The following OR3A2 variants were observed in gnomAD, a reference collection of about 807,000 sequenced individuals.
OR3A2 encodes olfactory receptor 3A2.
For synonymous variants in OR3A2, 126 were observed against 159.3 expected (o/e 0.79, Z 1.57); for missense variants, 318 against 392.8 (o/e 0.81, Z 1.61).
At chr17:3,360,322 T>C (rs1467004041) in intron 2 of OR3A2, among the ~76,000 whole-genome samples, 3 of 151,684 alleles carry the variant, frequency 2.0e-5, no homozygotes, top group Non-Finnish European at 4.4e-5. Flanking sequence ...TATTAGCCCA[T>C]TGTCAGATGA....
At chr17:3,382,898 C>T (rs539198898) in intron 2 of OR3A2, among the ~76,000 whole-genome samples, 17 of 152,260 alleles carry the variant, frequency 1.1e-4, no homozygotes, top group Admixed American at 7.8e-4. Context: ...TCAAGGACAA[C>T]GACTGGCCTT....
At chr17:3,372,904 AGAGGGC>A in intron 2 of OR3A2, among the ~76,000 whole-genome samples, 1 of 133,524 alleles carries the variant, frequency 7.5e-6, no homozygotes, top group Non-Finnish European at 1.6e-5. Flanking sequence ...AGGGAGAGGG[AGAGGGC>A]TCTTTAGGAT....
At chr17:3,368,061 C>T (rs2049579861) in intron 2 of OR3A2, among the ~76,000 whole-genome samples, 2 of 152,090 alleles carry the variant, frequency 1.3e-5, no homozygotes, top group Admixed American at 6.6e-5. Context: ...TATTCATGCC[C>T]TTAACCCACT....
At chr17:3,282,139 G>C (rs986386331) in intron 1 of OR3A2, among the ~76,000 whole-genome samples, 1 of 152,156 alleles carries the variant, frequency 6.6e-6, no homozygotes, top group African/African-American at 2.4e-5. Context: ...TCTCAGCCAG[G>C]TGCAGTGGCT....
Position 3,316,558 on chromosome 17 carries a change from T to C in OR3A2, c.-85+19475A>G, listed in dbSNP as rs145618375. On this transcript the variant is annotated intron_variant, in intron 3 of 4. Coordinates refer to the OR3A2 transcript ENST00000573491. ...ATTATTTTATTAGCACATAGCAATATTTACAAAGCAATTTTAAAATCTGTG... is the reference window on the plus strand; with the variant it reads ...ATTATTTTATTAGCACATAGCAATACTTACAAAGCAATTTTAAAATCTGTG... 2.5e-4 allele frequency among the ~76,000 whole-genome samples: 38 copies of C among 152,342 alleles called. No homozygotes were observed. In the East Asian group the frequency reaches 6.7e-3, roughly 27 times the overall value.
rs574416399 is a variant in OR3A2 at position 3,346,696 on chromosome 17, C to T, written c.-178-10570G>A. 2.6e-5 allele frequency among the ~76,000 whole-genome samples: 4 copies of T among 152,118 alleles called. No homozygotes were observed. In the East Asian group the frequency reaches 7.7e-4, roughly 29 times the overall value. ...ATCCGCACCTCTCCATCTCAGCCCC[C>T]AACTGTCCTTCCCAGCCTCTGCTCT... On this transcript the variant is annotated intron_variant, in intron 2 of 4. Coordinates refer to the OR3A2 transcript ENST00000573491.
At chr17:3,355,333 TAA>T (rs1330713435) in intron 2 of OR3A2, among the ~76,000 whole-genome samples, 5 of 151,410 alleles carry the variant, frequency 3.3e-5, no homozygotes, top group Non-Finnish European at 5.9e-5. Flanking sequence ...TGGTGAAGAT[TAA>T]GTCCTATCAT....
chr17:3,307,975 C>T (rs908384752), intron 3 of OR3A2, among the ~76,000 whole-genome samples: 1 of 152,146 alleles, frequency 6.6e-6, no homozygotes, highest in Non-Finnish European at 1.5e-5. Flanking sequence ...AGGTGACTTT[C>T]AGGATTTTAA....
intron 2 of OR3A2, among the ~76,000 whole-genome samples, chr17:3,371,154 G>A (rs9898992): frequency 0.24 from 36,006 of 151,488 alleles, 5,008 homozygotes; most frequent in East Asian, 0.53. Flanking sequence ...ACGGGGTGGT[G>A]GCCAGGCAGA....
At chr17:3,305,249 G>A (rs191454796) in intron 3 of OR3A2, among the ~76,000 whole-genome samples, 148 of 149,576 alleles carry the variant, frequency 9.9e-4, no homozygotes, top group African/African-American at 3.4e-3. Context: ...GTATGTCTTC[G>A]TTTTTTTCCT....
In OR3A2 at chr17:3,339,574, AT is replaced by A. The variant is rs548063878; in HGVS notation, c.-178-3449del. Among the ~76,000 whole-genome samples the A allele has an allele frequency of 2.1e-3, 325 of 152,296 alleles. 1 individual carries two copies. Among genetic ancestry groups the A allele is most frequent in the Non-Finnish European group, 3.8e-3 (261 of 68,018 alleles). On this transcript the variant is annotated intron_variant, in intron 2 of 4. Coordinates refer to the OR3A2 transcript ENST00000573491. ...TGATTCTGTTTATGTGATGGATTAC[AT>A]TTATTGACTTGCATATGTTGAACCA... is the stretch of plus-strand genomic sequence containing the variant.
chr17:3,332,758 C>T (rs770510273), intron 3 of OR3A2, among the ~76,000 whole-genome samples: 1 of 152,206 alleles, frequency 6.6e-6, no homozygotes, highest in East Asian at 1.9e-4. Context: ...AATCTCCGAA[C>T]ATAAATTGTG....
intron 1 of OR3A2, among the ~76,000 whole-genome samples, chr17:3,384,372 T>C (rs1412283408): frequency 2.0e-5 from 3 of 152,164 alleles, no homozygotes; most frequent in Non-Finnish European, 4.4e-5. Flanking sequence ...GACAAGCCTT[T>C]CCCAGTGTCA....
rs200464063 is a variant in OR3A2 at position 3,278,296 on chromosome 17, T to G, written c.622A>C (p.Ile208Leu). 7.4e-6 allele frequency: 12 copies of G among 1,614,198 alleles called. No homozygotes were observed. In the Admixed American group the frequency reaches 1.3e-4, roughly 18 times the overall value. Residue 208 changes from isoleucine (I) to leucine (L), a missense_variant, in exon 2 of 2, where the codon ATC (isoleucine) becomes CTC (leucine). By Grantham distance (5) the Ile-to-Leu change is conservative. Transcript: ENST00000642052. ...AGAACCAAAGGTGTGCCTGCCATGATGAAACCCACAGCAAAGAGCAGCAGC... is the reference window on the plus strand; with the variant it reads ...AGAACCAAAGGTGTGCCTGCCATGAGGAAACCCACAGCAAAGAGCAGCAGC...
chr17:3,286,555 C>A (rs1478184737), upstream of OR3A2, among the ~76,000 whole-genome samples: 7 of 152,078 alleles, frequency 4.6e-5, no homozygotes, highest in Admixed American at 4.6e-4. Context: ...ATTCCTATTT[C>A]TCCACATCCT....
intron 3 of OR3A2, among the ~76,000 whole-genome samples, chr17:3,318,093 A>C (rs1156819993): frequency 6.6e-6 from 1 of 152,194 alleles, no homozygotes; most frequent in East Asian, 1.9e-4. Context: ...CAAGTCTTCA[A>C]AGAAAGGTTC....
intron 2 of OR3A2, among the ~76,000 whole-genome samples, chr17:3,372,771 G>A (rs1597363487): frequency 2.0e-5 from 3 of 151,622 alleles, no homozygotes. Context: ...CGAGATGGCA[G>A]CAGTACAGTC....
chr17:3,320,466 T>C (rs1230276521), intron 3 of OR3A2, among the ~76,000 whole-genome samples: 2 of 127,486 alleles, frequency 1.6e-5, no homozygotes, highest in Non-Finnish European at 3.4e-5. Context: ...GCCTATGTCC[T>C]GAATGGTATT....
At chr17:3,288,707 C>G (rs1269875367), upstream of OR3A2, among the ~76,000 whole-genome samples, 1 of 152,160 alleles carries the variant, frequency 6.6e-6, no homozygotes, top group African/African-American at 2.4e-5. Context: ...CACTGCCAAT[C>G]TGGATGTAAA....
Sources: allele counts gnomAD v4.1 joint callset (sites outside exome capture counted in the v4.1 genomes callset), GRCh38; gene constraint gnomAD v4.1.1; transcripts MANE v1.5; gene names NCBI Gene and HGNC (gene_info 2026-07-23, HGNC 2026-07-21).